The following NPAS3 variants were observed in gnomAD, a reference collection of about 807,000 sequenced individuals.
NPAS3 encodes the protein neuronal PAS domain protein 3.
Under a neutral mutation model 73.1 loss-of-function variants are expected in NPAS3, and 14 were observed. That is an observed-to-expected ratio of 0.19 (90% CI 0.13 to 0.30). The LOEUF is 0.30. Ranked by LOEUF, NPAS3 falls within the 10% of genes least tolerant of loss-of-function variation. The pLI is 1.00. For missense variants in NPAS3, 1,096 were observed against 1,250.0 expected, an observed-to-expected ratio of 0.88 and a Z score of 1.86; for synonymous variants, 620 against 541.5, an observed-to-expected ratio of 1.14 and a Z score of -2.01.
chr14:33,701,516 G>C (rs1263539484), intron 6 of NPAS3, among the ~76,000 whole-genome samples: 1 of 152,184 alleles, frequency 6.6e-6, no homozygotes, highest in Non-Finnish European at 1.5e-5. Flanking sequence ...GGGAATTACT[G>C]TTTCAGTAGA....
intron 2 of NPAS3, among the ~76,000 whole-genome samples, chr14:33,089,092 C>T (rs987980197): frequency 6.7e-6 from 1 of 148,376 alleles, no homozygotes; most frequent in Non-Finnish European, 1.5e-5. Flanking sequence ...ATCAGAGTGC[C>T]TCTCCCCCTC....
intron 2 of NPAS3, among the ~76,000 whole-genome samples, chr14:33,192,273 T>C (rs1346446570): frequency 1.3e-5 from 2 of 152,212 alleles, no homozygotes; most frequent in Non-Finnish European, 2.9e-5. Context: ...ATACCAAGTA[T>C]ATTAAGTCCT....
chr14:33,800,646 C>T lies in NPAS3; in HGVS notation c.2339C>T (p.Ala780Val), dbSNP rs1435250948. The T allele has an allele frequency of 1.3e-5, 19 of 1,467,224 alleles. No homozygotes were observed. Among genetic ancestry groups the T allele is most frequent in the Non-Finnish European group, 1.7e-5 (19 of 1,119,600 alleles). 90.9% of individuals were successfully genotyped at this position (1,467,224 alleles called of 1,614,324 possible). The change falls in exon 12 of 12, where the codon GCG (alanine) becomes GTG (valine). Residue 780 changes from alanine (A) to valine (V), a missense_variant. Transcript: ENST00000356141. The surrounding 1 kb of genome is among the most constrained non-coding windows in gnomAD (Gnocchi z 6.5). The stretch of plus-strand genomic sequence containing the variant: ...GGCGCGGGGGGCGGCGGCCCCAGCG[C>T]GTCCAACTCCTTGCTGTACACTGGG...
intron 5 of NPAS3, among the ~76,000 whole-genome samples, chr14:33,639,194 C>T (rs970768421): frequency 6.6e-6 from 1 of 152,146 alleles, no homozygotes; most frequent in Admixed American, 6.5e-5. Flanking sequence ...GTTTAAGCCC[C>T]TCTGTAGCTA....
rs1258906721 is a variant in NPAS3 at position 33,797,248 on chromosome 14, G to A, written c.1302-209G>A. On this transcript the variant is annotated intron_variant, in intron 10 of 11. Transcript: ENST00000356141. The stretch of plus-strand genomic sequence containing the variant: ...ATGGCTTTCAGGGATTTGGGTATTC[G>A]ATCATTGCAGCAGGGTGCACCTGTG... Among the ~76,000 whole-genome samples, 5 of 152,130 alleles carry A rather than the reference G, an allele frequency of 3.3e-5. No homozygotes were observed. The East Asian group carries it at 9.6e-4, about 29-fold the overall frequency.
intron 2 of NPAS3, among the ~76,000 whole-genome samples, chr14:33,099,271 A>G (rs2042513954): frequency 6.6e-6 from 1 of 152,172 alleles, no homozygotes; most frequent in South Asian, 2.1e-4. Flanking sequence ...CATACATTTG[A>G]TACTAAATTT....
intron 2 of NPAS3, among the ~76,000 whole-genome samples, chr14:33,107,915 C>A (rs1201474112): frequency 1.3e-5 from 2 of 152,080 alleles, no homozygotes; most frequent in Non-Finnish European, 2.9e-5. Context: ...ACACAATGTG[C>A]TTTTAATTCT....
chr14:33,596,404 T>G (rs776831076), intron 5 of NPAS3, among the ~76,000 whole-genome samples: 2 of 152,244 alleles, frequency 1.3e-5, no homozygotes, highest in African/African-American at 2.4e-5. Context: ...CTTTATTGCT[T>G]CTTCTTTTGT....
intron 1 of NPAS3, among the ~76,000 whole-genome samples, chr14:32,982,317 C>T (rs182830311): frequency 5.9e-5 from 9 of 152,310 alleles, no homozygotes; most frequent in Admixed American, 2.6e-4. Context: ...GGCCCCACCT[C>T]CCAACACTGT....
intron 4 of NPAS3, among the ~76,000 whole-genome samples, chr14:33,391,640 A>T (rs540888246): frequency 2.0e-5 from 3 of 152,334 alleles, no homozygotes; most frequent in African/African-American, 7.2e-5. Context: ...TGAAAGAGAG[A>T]GTGTGTGTGA....
intron 5 of NPAS3, among the ~76,000 whole-genome samples, chr14:33,650,714 G>C (rs1002226303): frequency 6.6e-6 from 1 of 151,634 alleles, no homozygotes; most frequent in Non-Finnish European, 1.5e-5. Context: ...GTCTCTTCTG[G>C]GGGCTCTAAG....
At chr14:33,406,050 C>T (rs1234698866) in intron 4 of NPAS3, among the ~76,000 whole-genome samples, 1 of 151,656 alleles carries the variant, frequency 6.6e-6, no homozygotes. Context: ...GAAACATAAG[C>T]AATGAAGAAG....
chr14:33,005,532 C>T (rs2038971582), intron 1 of NPAS3, among the ~76,000 whole-genome samples: 1 of 152,106 alleles, frequency 6.6e-6, no homozygotes, highest in African/African-American at 2.4e-5. Context: ...CCTGAGATAG[C>T]TGGAACCCCA....
intron 3 of NPAS3, among the ~76,000 whole-genome samples, chr14:33,235,805 CTT>C (rs35968798): frequency 1.2e-5 from 1 of 80,626 alleles, no homozygotes; most frequent in African/African-American, 5.0e-5. Flanking sequence ...TGATACAATT[CTT>C]TTTTTTTTTT....
chr14:33,098,146 T>C (rs918343016), intron 2 of NPAS3, among the ~76,000 whole-genome samples: 1 of 152,214 alleles, frequency 6.6e-6, no homozygotes, highest in African/African-American at 2.4e-5. Context: ...CTAGAATTAA[T>C]TTTGTGTATG....
At position 32,994,482 on chromosome 14, in the gene NPAS3, G is replaced by A. The variant is rs900194409; in HGVS notation, c.50+55116G>A. Among the ~76,000 whole-genome samples the A allele has an allele frequency of 2.0e-5, 3 of 151,502 alleles. No homozygotes were observed. In the South Asian group the frequency reaches 6.3e-4, roughly 32 times the overall value. On this transcript the variant is annotated intron_variant, in intron 1 of 11. Transcript: ENST00000356141. ...AGCCCCAAATTTTTTTTTCATGATGGATGTTAATTTAAATGAATAAAAATG... is the reference window on the plus strand; with the variant it reads ...AGCCCCAAATTTTTTTTTCATGATGAATGTTAATTTAAATGAATAAAAATG...
At chr14:33,345,984 G>A (rs541081534) in intron 3 of NPAS3, among the ~76,000 whole-genome samples, 1 of 152,190 alleles carries the variant, frequency 6.6e-6, no homozygotes, top group Non-Finnish European at 1.5e-5. Flanking sequence ...TGTAATCCCA[G>A]CACTTTGGGA....
At chr14:33,281,883 C>T (rs1156240265) in intron 3 of NPAS3, among the ~76,000 whole-genome samples, 2 of 152,112 alleles carry the variant, frequency 1.3e-5, no homozygotes, top group Non-Finnish European at 1.5e-5. Context: ...TTGACAGTTA[C>T]AGAATATATG....
Position 33,267,985 on chromosome 14 carries a change from A to G in NPAS3, c.385+52559A>G, listed in dbSNP as rs1025829490. On this transcript the variant is annotated intron_variant, in intron 3 of 11. Coordinates refer to ENST00000356141, the Ensembl canonical transcript of NPAS3. Reference sequence around the variant, plus strand: ...CAAGTTTCATTTTATCTCCTACTGTATGCCTAAGGATGACATAAAAATTAA... The same window carrying G: ...CAAGTTTCATTTTATCTCCTACTGTGTGCCTAAGGATGACATAAAAATTAA... 2.0e-5 allele frequency among the ~76,000 whole-genome samples: 3 copies of G among 152,198 alleles called. No individual in the cohort carries two copies. The East Asian group carries it at 5.8e-4, about 29-fold the overall frequency.
Sources: gnomAD v4.1 joint callset for allele counts (sites outside exome capture counted in the v4.1 genomes callset) on GRCh38, gnomAD v4.1.1 for gene constraint, Gnocchi (gnomAD v3.1) non-coding constraint, MANE v1.5 for transcripts, NCBI Gene and HGNC (gene_info 2026-07-23, HGNC 2026-07-21) for gene names.